Variants in POLR3B observed in about 807,000 individuals in gnomAD.
POLR3B encodes the protein DNA-directed RNA polymerase III subunit RPC2.
A neutral mutation model predicts 147.4 loss-of-function variants in POLR3B; 96 were observed. The ratio of observed to expected loss-of-function variants is 0.65; its 90% CI spans 0.55 to 0.77. POLR3B has a LOEUF of 0.77. Among genes scored for constraint, POLR3B ranks in the 30% least tolerant of loss-of-function variants. The pLI is 0.00. For synonymous variants in POLR3B, 461 were observed against 485.9 expected, an observed-to-expected ratio of 0.95 and a Z score of 0.67; for missense variants, 1,036 against 1,413.5, an observed-to-expected ratio of 0.73 and a Z score of 4.28.
intron 10 of POLR3B, among the ~76,000 whole-genome samples, chr12:106,393,491 TTGTGTGTGTGTG>T (rs71072674): frequency 1.2e-3 from 163 of 141,458 alleles, no homozygotes; most frequent in African/African-American, 3.1e-3. Context: ...TGTACAGGTT[TTGTGTGTGTGTG>T]TGTGTGTGTG....
chr12:106,430,137 T>C, intron 13 of POLR3B, 136 bp from the exon 14 acceptor site: 1 of 757,740 alleles, frequency 1.3e-6, no homozygotes. Context: ...TGTGACACTT[T>C]GATTTCTGAA....
At chr12:106,496,631 GCTT>G in intron 24 of POLR3B, 118 bp from the exon 25 acceptor site, 3 of 854,580 alleles carry the variant, frequency 3.5e-6, no homozygotes, top group East Asian at 2.6e-5. Context: ...CTTAAATACT[GCTT>G]CTATTAATTT....
Position 106,430,474 on chromosome 12 carries a change from G to A in POLR3B, c.1464+1G>A, listed in dbSNP as rs1158662109. On this transcript the variant is annotated splice_donor_variant, in intron 14 of 27. Coordinates refer to ENST00000228347, the MANE Select transcript of POLR3B (RefSeq NM_018082.6). LOFTEE classifies it high-confidence loss of function. ...TCCTTCGGACACTCCTGAAGGAGAG[G>A]TAAGGAATCTGAGGAGTCTTGATGC... 28 of 1,610,442 alleles carry A rather than the reference G, an allele frequency of 1.7e-5. No homozygotes were observed. Among genetic ancestry groups the A allele is most frequent in the Non-Finnish European group, 2.2e-5 (26 of 1,178,112 alleles).
At chr12:106,412,118 A>C (rs2037235304) in intron 12 of POLR3B, among the ~76,000 whole-genome samples, 1 of 151,840 alleles carries the variant, frequency 6.6e-6, no homozygotes, top group South Asian at 2.1e-4. Context: ...GTTTCTTCTT[A>C]TGTCTGATAA....
chr12:106,465,174 G>A (rs998306587), intron 23 of POLR3B, among the ~76,000 whole-genome samples: 1 of 152,144 alleles, frequency 6.6e-6, no homozygotes, highest in Non-Finnish European at 1.5e-5. Context: ...CAATTATGGG[G>A]TAACCTTAAC....
chr12:106,378,513 T>C, intron 8 of POLR3B, 129 bp downstream of exon 8: 1 of 633,574 alleles, frequency 1.6e-6, no homozygotes, highest in Non-Finnish European at 2.8e-6. Context: ...TTAAGCTATC[T>C]GCATTCAATT....
intron 23 of POLR3B, among the ~76,000 whole-genome samples, chr12:106,474,232 A>G (rs2038130794): frequency 7.3e-6 from 1 of 136,120 alleles, no homozygotes; most frequent in African/African-American, 2.8e-5. Flanking sequence ...ATCATGGTGG[A>G]TAAGCTTTTT....
chr12:106,431,003 C>T (rs1168835071), intron 14 of POLR3B, among the ~76,000 whole-genome samples: 1 of 152,158 alleles, frequency 6.6e-6, no homozygotes, highest in Admixed American at 6.5e-5. Flanking sequence ...GTGTCACGGT[C>T]CTTTCTCCTT....
At chr12:106,373,981 T>A (rs1445334362) in intron 6 of POLR3B, among the ~76,000 whole-genome samples, 3 of 152,190 alleles carry the variant, frequency 2.0e-5, no homozygotes, top group African/African-American at 7.2e-5. Context: ...TCTTTTTGGA[T>A]AATGGAAGAT....
intron 9 of POLR3B, among the ~76,000 whole-genome samples, chr12:106,385,158 G>A (rs1054121605): frequency 2.0e-4 from 30 of 152,070 alleles, no homozygotes; most frequent in Non-Finnish European, 8.8e-5. Context: ...AGAAAATAAC[G>A]TTCTGTATTG....
intron 23 of POLR3B, among the ~76,000 whole-genome samples, chr12:106,477,659 G>A (rs1358365736): frequency 1.3e-5 from 2 of 152,018 alleles, no homozygotes; most frequent in African/African-American, 4.8e-5. Flanking sequence ...TCTTTGACTC[G>A]GAAAGGGAAC....
At position 106,458,339 on chromosome 12, in the gene POLR3B, G is replaced by A. The variant is rs181347925; in HGVS notation, c.2453-912G>A. Among the ~76,000 whole-genome samples, 453 of 152,198 alleles carry A rather than the reference G, an allele frequency of 3.0e-3. 1 individual carries two copies. Among genetic ancestry groups the A allele is most frequent in the African/African-American group, 9.4e-3 (389 of 41,516 alleles). ...AGGTCTTACCATCTTGTCCAGGCTT[G>A]TCTTGAACTCCTGGGCTCAAGTTCT... On this transcript the variant is annotated intron_variant, in intron 21 of 27. Transcript: ENST00000228347.
At chr12:106,482,965 AC>A (rs1207753645) in intron 23 of POLR3B, among the ~76,000 whole-genome samples, 1 of 152,166 alleles carries the variant, frequency 6.6e-6, no homozygotes, top group Non-Finnish European at 1.5e-5. Flanking sequence ...CTAAACTGGC[AC>A]CAGGAGTTTC....
Position 106,509,465 on chromosome 12 carries a change from T to C in POLR3B, c.3318T>C (p.Ile1106=). 6.2e-7 allele frequency: 1 copy of C among 1,613,784 alleles called. No homozygotes were observed. Among genetic ancestry groups the C allele is most frequent in the Non-Finnish European group, 8.5e-7 (1 of 1,179,732 alleles). ...KSSCHVSSLR[I]PYACKLLFQE... Reference sequence around the variant, plus strand: ...CCTGCCACGTGTCTTCCCTCCGTATTCCGTATGCCTGCAAGCTGCTCTTCC... The same window carrying C: ...CCTGCCACGTGTCTTCCCTCCGTATCCCGTATGCCTGCAAGCTGCTCTTCC... The change falls in exon 28 of 28, where the codon ATT becomes ATC. Residue 1106 remains isoleucine (I), a synonymous_variant. Transcript: ENST00000228347.
At chr12:106,408,970 T>C (rs1405717400) in intron 11 of POLR3B, among the ~76,000 whole-genome samples, 2 of 152,214 alleles carry the variant, frequency 1.3e-5, no homozygotes, top group Non-Finnish European at 2.9e-5. Flanking sequence ...CGAGTGGCAT[T>C]ATACAGTTCA....
intron 19 of POLR3B, among the ~76,000 whole-genome samples, chr12:106,449,011 C>T (rs10778474): frequency 0.34 from 51,057 of 151,886 alleles, 11,393 homozygotes; most frequent in African/African-American, 0.64. Context: ...AGCTCCGTTA[C>T]TTATTACAGG....
chr12:106,418,783 G>T (rs1250725383), intron 12 of POLR3B, among the ~76,000 whole-genome samples: 2 of 152,138 alleles, frequency 1.3e-5, no homozygotes, highest in African/African-American at 4.8e-5. Context: ...GTATTGTGTG[G>T]ATGGCCTTGT....
chr12:106,410,655 C>G, intron 11 of POLR3B, 171 bp from the exon 12 acceptor site: 1 of 651,476 alleles, frequency 1.5e-6, no homozygotes, highest in South Asian at 1.8e-5. Flanking sequence ...GATGAAAAGT[C>G]ATCATCTCAG....
At chr12:106,426,411 C>T (rs566260300) in intron 12 of POLR3B, among the ~76,000 whole-genome samples, 15 of 152,028 alleles carry the variant, frequency 9.9e-5, no homozygotes, top group East Asian at 1.9e-4. Context: ...CCACCAGACC[C>T]GGCTAATTTT....
Sources: allele counts gnomAD v4.1 joint callset (sites outside exome capture counted in the v4.1 genomes callset), GRCh38; gene constraint gnomAD v4.1.1; transcripts MANE v1.5; gene names NCBI Gene and HGNC (gene_info 2026-07-23, HGNC 2026-07-21).